The following LOC400499 variants were observed in gnomAD, a reference collection of about 807,000 sequenced individuals.
the LOC400499 span, among the ~76,000 whole-genome samples, chr16:11,459,237 C>T: frequency 2.8e-4 from 39 of 138,052 alleles, no homozygotes; most frequent in African/African-American, 9.9e-4. Context: ...CGCTGTTTCG[C>T]CCAGGCCAGA....
chr16:11,508,362 T>C, the LOC400499 span, among the ~76,000 whole-genome samples: 1 of 152,262 alleles, frequency 6.6e-6, no homozygotes, highest in Non-Finnish European at 1.5e-5. Flanking sequence ...GCCATGTGTT[T>C]CTAACTTTGC....
the LOC400499 span, among the ~76,000 whole-genome samples, chr16:11,394,259 A>G: frequency 0.023 from 3,577 of 152,314 alleles, 99 homozygotes; most frequent in Middle Eastern, 0.088. Context: ...CCTTGGGGGC[A>G]CGGCAGGGAC....
At chr16:11,390,338 T>C in the LOC400499 span, 27 of 1,233,576 alleles carry the variant, frequency 2.2e-5, no homozygotes, top group Non-Finnish European at 2.6e-5. Flanking sequence ...GGACCCCCTT[T>C]GCCTGGCATC....
the LOC400499 span, chr16:11,424,362 C>G: frequency 2.5e-6 from 1 of 399,486 alleles, no homozygotes; most frequent in Non-Finnish European, 4.4e-6. Flanking sequence ...AAGAGGCCAG[C>G]GGGCAGGAGT....
At chr16:11,456,435 C>T in the LOC400499 span, among the ~76,000 whole-genome samples, 1 of 151,948 alleles carries the variant, frequency 6.6e-6, no homozygotes, top group Non-Finnish European at 1.5e-5. Flanking sequence ...GTCTGGGGAA[C>T]AAAAAGAGGC....
chr16:11,430,623 G>T, the LOC400499 span, among the ~76,000 whole-genome samples: 1 of 152,318 alleles, frequency 6.6e-6, no homozygotes, highest in East Asian at 1.9e-4. Flanking sequence ...TAAAATGTTA[G>T]TAACTGATTA....
chr16:11,394,101 TC>T, the LOC400499 span, among the ~76,000 whole-genome samples: 1 of 152,204 alleles, frequency 6.6e-6, no homozygotes, highest in Admixed American at 6.5e-5. Flanking sequence ...ATTTCTAACA[TC>T]CCCAGTGCCC....
At chr16:11,451,305 C>T in the LOC400499 span, among the ~76,000 whole-genome samples, 14 of 152,282 alleles carry the variant, frequency 9.2e-5, 1 homozygote, top group Middle Eastern at 6.8e-3. Context: ...GAAGGTCAAG[C>T]GCAGTGGCTC....
At chr16:11,440,826 G>A in the LOC400499 span, 2 of 399,016 alleles carry the variant, frequency 5.0e-6, no homozygotes, top group Non-Finnish European at 8.8e-6. Context: ...CCAAGCTCAG[G>A]GCCTGGGGGA....
chr16:11,423,121 C>T, the LOC400499 span: 3 of 399,222 alleles, frequency 7.5e-6, no homozygotes, highest in Non-Finnish European at 1.3e-5. Flanking sequence ...TGTGCCAGCC[C>T]CGCTGGAGGG....
At chr16:11,527,446 G>A in the LOC400499 span, among the ~76,000 whole-genome samples, 1 of 152,158 alleles carries the variant, frequency 6.6e-6, no homozygotes, top group African/African-American at 2.4e-5. Context: ...GAAAAAAAAG[G>A]AGCTTGACTA....
At chr16:11,436,148 G>A in the LOC400499 span, among the ~76,000 whole-genome samples, 1 of 152,180 alleles carries the variant, frequency 6.6e-6, no homozygotes, top group South Asian at 2.1e-4. Context: ...GTACAAATGG[G>A]GAAACTGAGG....
At chr16:11,450,353 T>C in the LOC400499 span, among the ~76,000 whole-genome samples, 2 of 152,260 alleles carry the variant, frequency 1.3e-5, no homozygotes, top group Non-Finnish European at 2.9e-5. Context: ...TTTGACTTGC[T>C]TTCCTATTTT....
chr16:11,427,968 C>T, the LOC400499 span, among the ~76,000 whole-genome samples: 3 of 152,072 alleles, frequency 2.0e-5, no homozygotes, highest in Non-Finnish European at 4.4e-5. Flanking sequence ...GGATCCAGAC[C>T]CCAAGACAGG....
the LOC400499 span, chr16:11,390,212 G>T: frequency 8.1e-7 from 1 of 1,232,562 alleles, no homozygotes; most frequent in Non-Finnish European, 1.0e-6. Context: ...CCTGGAGAGG[G>T]AGGGGACAGT....
the LOC400499 span, chr16:11,391,910 G>C: frequency 1.9e-6 from 2 of 1,027,352 alleles, no homozygotes; most frequent in Non-Finnish European, 2.5e-6. Context: ...AGGGCAGAGA[G>C]AGCCCCAGAC....
At chr16:11,379,359 G>A in the LOC400499 span, among the ~76,000 whole-genome samples, 1 of 152,200 alleles carries the variant, frequency 6.6e-6, no homozygotes, top group Admixed American at 6.5e-5. Context: ...GAGGTGTGTT[G>A]CATGTACATT....
At chr16:11,454,751 T>C in the LOC400499 span, among the ~76,000 whole-genome samples, 7 of 152,318 alleles carry the variant, frequency 4.6e-5, no homozygotes, top group Admixed American at 4.6e-4. Flanking sequence ...TGGAAATGAA[T>C]ACACCTCCAA....
chr16:11,463,688 T>C, the LOC400499 span, among the ~76,000 whole-genome samples: 1 of 152,144 alleles, frequency 6.6e-6, no homozygotes, highest in South Asian at 2.1e-4. Flanking sequence ...TGTACGGACA[T>C]GTGAACAGAT....
Sources: allele counts gnomAD v4.1 joint callset (sites outside exome capture counted in the v4.1 genomes callset), GRCh38; gene constraint gnomAD v4.1.1; transcripts MANE v1.5.